The following PANX1 variants were observed in gnomAD, a reference collection of about 807,000 sequenced individuals.
PANX1 encodes pannexin-1.
In PANX1, 30 loss-of-function variants were observed where a neutral mutation model predicts 38.7. The ratio of observed to expected loss-of-function variants is 0.78; its 90% confidence interval spans 0.58 to 1.05. PANX1 has a LOEUF of 1.05. Ranked by LOEUF, PANX1 falls within the 50% of genes least tolerant of loss-of-function variation. The pLI is 0.00. For synonymous variants in PANX1, 230 were observed against 212.2 expected, an observed-to-expected ratio of 1.08 and a Z score of -0.73; for missense variants, 551 against 517.2, an observed-to-expected ratio of 1.07 and a Z score of -0.63.
intron 1 of PANX1, among the ~76,000 whole-genome samples, chr11:94,138,246 A>G (rs1160820778): frequency 6.6e-6 from 1 of 152,198 alleles, no homozygotes; most frequent in Admixed American, 6.5e-5. Context: ...TTAATAGGTG[A>G]ACAAAGGTGT....
intron 2 of PANX1, among the ~76,000 whole-genome samples, chr11:94,155,826 G>C (rs764721350): frequency 2.8e-4 from 43 of 152,256 alleles, no homozygotes; most frequent in Admixed American, 5.2e-4. Context: ...TTTAGGTTGG[G>C]CTTTTCTCTT....
intron 2 of PANX1, among the ~76,000 whole-genome samples, chr11:94,175,531 G>A (rs1050427168): frequency 6.6e-6 from 1 of 151,678 alleles, no homozygotes; most frequent in Non-Finnish European, 1.5e-5. Context: ...GAAGTGAAAT[G>A]CCATTATTCA....
chr11:94,142,656 T>A (rs937122241), intron 1 of PANX1, among the ~76,000 whole-genome samples: 2 of 152,260 alleles, frequency 1.3e-5, no homozygotes, highest in African/African-American at 4.8e-5. Context: ...TTTATATCCT[T>A]GGCTGCCTCC....
In PANX1 at chr11:94,173,843, T is replaced by G. The variant is rs139343218; in HGVS notation, c.322-4526T>G. ...TCTTAATTCAGTCTCTGCTTACACT[T>G]TTTGTGAGTTTCCTAGATCTGCTAT... On this transcript the variant is annotated intron_variant, in intron 2 of 4. Transcript: ENST00000227638. 2.0e-5 allele frequency among the ~76,000 whole-genome samples: 3 copies of G among 151,862 alleles called. No individual in the cohort carries two copies. The East Asian group carries it at 5.8e-4, about 29-fold the overall frequency.
chr11:94,159,871 C>A lies in PANX1; in HGVS notation c.321+6241C>A, dbSNP rs1448521298. Among the ~76,000 whole-genome samples, 6 of 151,492 alleles carry A rather than the reference C, an allele frequency of 4.0e-5. No homozygotes were observed. The South Asian group carries it at 6.3e-4, about 16-fold the overall frequency. On this transcript the variant is annotated intron_variant, in intron 2 of 4. Transcript: ENST00000227638. ...CTTTCTCTTGTGGGCATTTAGTGCT[C>A]TAAATTTCCCTCTATACACTGCTTT...
intron 1 of PANX1, among the ~76,000 whole-genome samples, chr11:94,147,622 C>G (rs1353824937): frequency 6.6e-6 from 1 of 152,168 alleles, no homozygotes; most frequent in Non-Finnish European, 1.5e-5. Context: ...ACTTAGCGGG[C>G]TGCGTTGTTC....
chr11:94,180,114 A>G lies in PANX1; in HGVS notation c.1058A>G (p.Asn353Ser), dbSNP rs780660916. 2.4e-5 allele frequency: 39 copies of G among 1,613,974 alleles called. No homozygotes were observed. The highest frequency in any genetic ancestry group is 5.3e-5 in the African/African-American group (4 of 74,896). ...TACAAGTGTCTTAAGGTACTGGAGA[A>G]TATTAAGAGCAGTGGTCAGGGGATC... The part of the protein sequence containing the change: ...KSYKCLKVLE[N>S]IKSSGQGIDP... Residue 353 changes from asparagine to serine, a missense_variant, in exon 4 of 5, where the codon AAT becomes AGT. Coordinates refer to ENST00000227638, the MANE Select transcript of PANX1 (RefSeq NM_015368.4).
intron 1 of PANX1, among the ~76,000 whole-genome samples, chr11:94,131,972 T>G (rs1036625463): frequency 6.6e-6 from 1 of 152,220 alleles, no homozygotes; most frequent in Non-Finnish European, 1.5e-5. Context: ...AGATAAGGCC[T>G]GCAGACTTAA....
At position 94,179,844 on chromosome 11, in the gene PANX1, T is replaced by G; in HGVS notation, c.788T>G (p.Phe263Cys). The change falls in exon 4 of 5, where the codon TTT (phenylalanine) becomes TGT (cysteine). Residue 263 changes from phenylalanine (F) to cysteine (C), a missense_variant. Transcript: ENST00000227638. ...AACGACAGCACCGTGCCCGATCAGTTTCAGTGCAAACTCATTGCCGTGGGC... is the reference window on the plus strand; with the variant it reads ...AACGACAGCACCGTGCCCGATCAGTGTCAGTGCAAACTCATTGCCGTGGGC... ...LRNDSTVPDQ[F>C]QCKLIAVGIF... 6.2e-7 allele frequency: 1 copy of G among 1,614,058 alleles called. No individual in the cohort carries two copies. The highest frequency in any genetic ancestry group is 1.1e-5 in the South Asian group (1 of 91,066).
intron 1 of PANX1, among the ~76,000 whole-genome samples, chr11:94,146,917 A>G (rs1329725290): frequency 6.6e-6 from 1 of 152,206 alleles, no homozygotes; most frequent in Non-Finnish European, 1.5e-5. Flanking sequence ...TAATTGCACT[A>G]GATTATTTAA....
At chr11:94,131,993 C>T (rs762429389) in intron 1 of PANX1, among the ~76,000 whole-genome samples, 1 of 152,220 alleles carries the variant, frequency 6.6e-6, no homozygotes, top group Non-Finnish European at 1.5e-5. Flanking sequence ...AACATGGCTT[C>T]ATCCTTCCTC....
In PANX1 at chr11:94,180,058, C is replaced by T. The variant is rs766516906; in HGVS notation, c.1002C>T (p.Phe334=). 7 of 1,612,300 alleles carry T rather than the reference C, an allele frequency of 4.3e-6. No homozygotes were observed. The South Asian group carries it at 6.6e-5, about 15-fold the overall frequency. ...GYNDLSLYNL[F]LEENISEVKS... The stretch of plus-strand genomic sequence containing the variant: ...ACGATTTGAGCCTCTACAATCTCTT[C>T]TTGGAGGAAAATATAAGTGAGGTCA... Residue 334 remains phenylalanine (F), a synonymous_variant, in exon 4 of 5, where the codon TTC becomes TTT. Coordinates refer to ENST00000227638, the MANE Select transcript of PANX1 (RefSeq NM_015368.4).
At chr11:94,129,525 C>A (rs772660482) in intron 1 of PANX1, 32 bp downstream of exon 1, 1 of 1,574,038 alleles carries the variant, frequency 6.4e-7, no homozygotes, top group Non-Finnish European at 8.7e-7. Context: ...GGGGAGTGGC[C>A]GCCCCGGTCT....
intron 1 of PANX1, among the ~76,000 whole-genome samples, chr11:94,134,776 T>G (rs1448135019): frequency 6.6e-6 from 1 of 151,910 alleles, no homozygotes; most frequent in Non-Finnish European, 1.5e-5. Context: ...GTGAGCACGC[T>G]GGGAGAAGGG....
At chr11:94,164,287 C>G (rs547985032) in intron 2 of PANX1, among the ~76,000 whole-genome samples, 1 of 152,120 alleles carries the variant, frequency 6.6e-6, no homozygotes, top group Admixed American at 6.5e-5. Flanking sequence ...TAAGATCTGT[C>G]ATTAAGCTGT....
intron 1 of PANX1, among the ~76,000 whole-genome samples, chr11:94,147,108 G>T (rs1048618525): frequency 6.6e-6 from 1 of 152,134 alleles, no homozygotes; most frequent in Non-Finnish European, 1.5e-5. Flanking sequence ...AGATTTCATT[G>T]TAATAGTCTT....
In PANX1 at chr11:94,129,128, C is replaced by A; in HGVS notation, c.-185C>A. The stretch of plus-strand genomic sequence containing the variant: ...CCCCGCCGGCGGCGGAGGCAGCGAG[C>A]GCGAGAGCCCAGCGGAGTCGCTGGG... On this transcript the variant is annotated 5_prime_UTR_variant, in exon 1 of 5. Transcript: ENST00000227638. 2.2e-6 allele frequency: 1 copy of A among 462,670 alleles called. No homozygotes were observed. Among genetic ancestry groups the A allele is most frequent in the Non-Finnish European group, 3.8e-6 (1 of 265,338 alleles). The allele number at this position is 462,670 out of a possible 1,614,324, so 28.7% of individuals were successfully genotyped here. A position where few individuals can be genotyped will look rare whatever the true frequency, so the allele number is the denominator to read the frequency against.
intron 2 of PANX1, among the ~76,000 whole-genome samples, chr11:94,174,849 A>G (rs1413436626): frequency 1.3e-5 from 2 of 151,674 alleles, no homozygotes; most frequent in African/African-American, 4.9e-5. Context: ...TGTACTGCTC[A>G]CCCTCTAGGT....
intron 2 of PANX1, among the ~76,000 whole-genome samples, chr11:94,154,976 T>C (rs1401211127): frequency 2.6e-5 from 4 of 152,152 alleles, no homozygotes; most frequent in Non-Finnish European, 5.9e-5. Flanking sequence ...GTGGGTGAGG[T>C]GGGCGGATCA....
Sources: allele counts gnomAD v4.1 joint callset (sites outside exome capture counted in the v4.1 genomes callset), GRCh38; gene constraint gnomAD v4.1.1; transcripts MANE v1.5; gene names NCBI Gene and HGNC (gene_info 2026-07-23, HGNC 2026-07-21).